SYT6: variants seen among roughly 807,000 people sequenced by gnomAD.
The protein encoded by SYT6 is synaptotagmin 6, also known as synaptotagmin-6.
A neutral mutation model predicts 38.4 loss-of-function variants in SYT6; 24 were observed. The ratio of observed to expected loss-of-function variants is 0.62; its 90% confidence interval spans 0.45 to 0.88. The LOEUF (loss-of-function observed/expected upper bound fraction) is 0.88. Among genes scored for constraint, SYT6 ranks in the 40% least tolerant of loss-of-function variants. The pLI is 0.00. For missense variants in SYT6, 611 were observed against 621.0 expected (o/e 0.98, Z 0.17); for synonymous variants, 265 against 241.9 (o/e 1.10, Z -0.89).
intron 5 of SYT6, 117 bp from the exon 6 acceptor site, chr1:114,097,994 T>C: frequency 8.6e-7 from 1 of 1,165,400 alleles, no homozygotes; most frequent in East Asian, 2.5e-5. Flanking sequence ...CTCTGAGCTC[T>C]GAAAACAGAT....
Position 114,153,820 on chromosome 1 carries a change from G to C in SYT6, c.-48C>G. ...GAGCAGCAGCTCGAACCCGCGCCCCGGCCGCACTGGGGCGGGGCACGACGG... is the reference window on the plus strand; with the variant it reads ...GAGCAGCAGCTCGAACCCGCGCCCCCGCCGCACTGGGGCGGGGCACGACGG... On this transcript the variant is annotated 5_prime_UTR_variant, in exon 1 of 8. Transcript: ENST00000610222. The C allele has an allele frequency of 1.7e-6, 1 of 597,818 alleles. No individual in the cohort carries two copies. Among genetic ancestry groups the C allele is most frequent in the South Asian group, 2.0e-5 (1 of 51,002 alleles). The allele number at this position is 597,818 out of a possible 1,614,324, so 37.0% of individuals were successfully genotyped here.
At chr1:114,117,135 G>A (rs1193619746) in intron 3 of SYT6, among the ~76,000 whole-genome samples, 2 of 152,196 alleles carry the variant, frequency 1.3e-5, no homozygotes, top group East Asian at 3.8e-4. Context: ...CTGCCCTGCT[G>A]CTTTCCAGCT....
intron 4 of SYT6, 132 bp from the exon 5 acceptor site, chr1:114,099,397 T>G: frequency 1.2e-6 from 1 of 858,494 alleles, no homozygotes; most frequent in Non-Finnish European, 1.7e-6. Flanking sequence ...GTTGTTAAAA[T>G]AATTAAACCA....
At chr1:114,104,743 T>C (rs926186862) in intron 3 of SYT6, among the ~76,000 whole-genome samples, 2 of 152,204 alleles carry the variant, frequency 1.3e-5, no homozygotes, top group African/African-American at 4.8e-5. Flanking sequence ...TAAGTGTTGA[T>C]CTGAGTGCTA....
intron 3 of SYT6, among the ~76,000 whole-genome samples, chr1:114,124,111 C>T (rs532546085): frequency 6.6e-6 from 1 of 152,310 alleles, no homozygotes; most frequent in South Asian, 2.1e-4. Context: ...TAAGGAGGGG[C>T]CTCTCTCTGC....
At chr1:114,094,694 T>C (rs777092706) in intron 6 of SYT6, among the ~76,000 whole-genome samples, 4 of 152,202 alleles carry the variant, frequency 2.6e-5, no homozygotes, top group Non-Finnish European at 5.9e-5. Context: ...CACTTGAAAA[T>C]CCCTTAAGAA....
intron 1 of SYT6, among the ~76,000 whole-genome samples, chr1:114,144,620 G>T (rs1679060140): frequency 6.6e-6 from 1 of 152,152 alleles, no homozygotes. Context: ...GTATGAGAAG[G>T]CTGTAATTAG....
At chr1:114,124,916 G>C (rs1557752201) in intron 3 of SYT6, among the ~76,000 whole-genome samples, 2 of 152,242 alleles carry the variant, frequency 1.3e-5, no homozygotes, top group Non-Finnish European at 2.9e-5. Context: ...GATAACACCA[G>C]TACCTACCCT....
chr1:114,116,168 G>T (rs562099470), intron 3 of SYT6, among the ~76,000 whole-genome samples: 1 of 152,190 alleles, frequency 6.6e-6, no homozygotes, highest in African/African-American at 2.4e-5. Flanking sequence ...ACTTAAACCT[G>T]CTAGTGCAGC....
intron 3 of SYT6, among the ~76,000 whole-genome samples, chr1:114,108,405 G>T (rs1396711615): frequency 5.9e-5 from 9 of 152,178 alleles, no homozygotes; most frequent in Non-Finnish European, 1.2e-4. Flanking sequence ...CCATGAAAGA[G>T]CAGTGAACCA....
intron 6 of SYT6, 47 bp downstream of exon 6, chr1:114,097,680 A>T: frequency 1.9e-6 from 3 of 1,601,580 alleles, no homozygotes; most frequent in Non-Finnish European, 2.6e-6. Context: ...TCTCCAGCCC[A>T]CACTGCCATG....
At chr1:114,120,778 T>G (rs1347191534) in intron 3 of SYT6, among the ~76,000 whole-genome samples, 1 of 152,244 alleles carries the variant, frequency 6.6e-6, no homozygotes, top group Admixed American at 6.5e-5. Flanking sequence ...GTTACCAATA[T>G]TGTTGTTATT....
At chr1:114,149,361 G>C (rs182155917) in intron 1 of SYT6, among the ~76,000 whole-genome samples, 1 of 151,960 alleles carries the variant, frequency 6.6e-6, no homozygotes, top group East Asian at 1.9e-4. Flanking sequence ...TCAGGGCTGG[G>C]GGGAGGGGAG....
chr1:114,114,682 T>C (rs997588440), intron 3 of SYT6, among the ~76,000 whole-genome samples: 5 of 152,228 alleles, frequency 3.3e-5, no homozygotes, highest in Non-Finnish European at 2.9e-5. Context: ...TTGACAGGCT[T>C]CCCAGATGAG....
At chr1:114,142,396 T>G (rs1365640559) in intron 1 of SYT6, among the ~76,000 whole-genome samples, 4 of 152,202 alleles carry the variant, frequency 2.6e-5, no homozygotes, top group Admixed American at 2.0e-4. Context: ...GCCTGAAGAA[T>G]GGATGAGGAG....
At chr1:114,141,862 G>C (rs891200682) in intron 1 of SYT6, among the ~76,000 whole-genome samples, 3 of 152,138 alleles carry the variant, frequency 2.0e-5, no homozygotes, top group Non-Finnish European at 4.4e-5. Flanking sequence ...CTCTGCCTAT[G>C]CTCTAAAAAT....
At chr1:114,149,208 A>ATT (rs879756330) in intron 1 of SYT6, among the ~76,000 whole-genome samples, 201 of 16,284 alleles carry the variant, frequency 0.012, 2 homozygotes, top group Admixed American at 0.045. Flanking sequence ...AGAGAGAGAG[A>ATT]GAGAGAGATT....
chr1:114,090,591 T>A lies in SYT6; in HGVS notation c.*1543A>T, dbSNP rs1675247093. ...AATAAGACACAGGTGTGTGAACAGA[T>A]TTTCTGTTCTTGATTTTCCACTGTT... On this transcript the variant is annotated 3_prime_UTR_variant, in exon 8 of 8. Transcript: ENST00000610222. The A allele has an allele frequency of 6.6e-6, 1 of 152,358 alleles. No individual in the cohort carries two copies. Among genetic ancestry groups the A allele is most frequent in the Non-Finnish European group, 1.5e-5 (1 of 68,044 alleles). 9.4% of individuals were successfully genotyped at this position (152,358 alleles called of 1,614,324 possible). A position where few individuals can be genotyped will look rare whatever the true frequency, so the allele number is the denominator to read the frequency against.
intron 3 of SYT6, among the ~76,000 whole-genome samples, chr1:114,111,743 G>GAGAA (rs1443689966): frequency 0.39 from 58,660 of 151,680 alleles, 11,692 homozygotes; most frequent in Non-Finnish European, 0.42. Context: ...AACCCGGCAG[G>GAGAA]ATGTGCTAAA....
Sources: allele counts gnomAD v4.1 joint callset (sites outside exome capture counted in the v4.1 genomes callset), GRCh38; gene constraint gnomAD v4.1.1; transcripts MANE v1.5; gene names NCBI Gene and HGNC (gene_info 2026-07-23, HGNC 2026-07-21).